Variants in TAFA1 observed in about 807,000 individuals in gnomAD.
TAFA1 encodes TAFA chemokine like family member 1.
A neutral mutation model predicts 18.5 loss-of-function variants in TAFA1; 4 were observed. The ratio of observed to expected loss-of-function variants is 0.22; its 90% CI spans 0.11 to 0.49. TAFA1 has a LOEUF of 0.49. TAFA1 is among the 20% of genes least tolerant of loss of function. The pLI, the probability that TAFA1 is intolerant of heterozygous loss-of-function variation, is 0.98. For missense variants in TAFA1, 147 were observed against 169.0 expected (o/e 0.87, Z 0.72); for synonymous variants, 56 against 55.2 (o/e 1.01, Z -0.06).
intron 2 of TAFA1, among the ~76,000 whole-genome samples, chr3:68,026,351 C>T (rs757886097): frequency 2.6e-5 from 4 of 151,844 alleles, no homozygotes; most frequent in South Asian, 4.2e-4. Context: ...CCATCCCCAC[C>T]GAGAGGGTCC....
intron 2 of TAFA1, among the ~76,000 whole-genome samples, chr3:68,045,979 T>C (rs1553706662): frequency 6.6e-6 from 1 of 152,188 alleles, no homozygotes; most frequent in Non-Finnish European, 1.5e-5. Context: ...GGGAATTAGC[T>C]TAGTGACATG....
At position 68,208,859 on chromosome 3, in the gene TAFA1, G is replaced by A. The variant is rs577624080; in HGVS notation, c.118+202115G>A. Among the ~76,000 whole-genome samples the A allele has an allele frequency of 1.6e-4, 24 of 152,044 alleles. 1 individual carries two copies. The highest frequency in any genetic ancestry group is 4.1e-4 in the African/African-American group (17 of 41,514). The stretch of plus-strand genomic sequence containing the variant: ...ACTACTTAGTGTGCTCTGAATAAGC[G>A]CCTCCTCTTGAGTGTGTGCAGGCCT... On this transcript the variant is annotated intron_variant, in intron 2 of 4. Transcript: ENST00000478136.
At chr3:68,137,133 C>T (rs911305915) in intron 2 of TAFA1, among the ~76,000 whole-genome samples, 4 of 152,108 alleles carry the variant, frequency 2.6e-5, no homozygotes, top group African/African-American at 9.7e-5. Flanking sequence ...AAAAATCTCT[C>T]TCCTGTTGTC....
intron 2 of TAFA1, among the ~76,000 whole-genome samples, chr3:68,105,288 T>C (rs943278419): frequency 1.6e-4 from 25 of 152,122 alleles, no homozygotes; most frequent in African/African-American, 5.8e-4. Flanking sequence ...AAAACAAAAA[T>C]ATTGGTTGGC....
intron 3 of TAFA1, among the ~76,000 whole-genome samples, chr3:68,429,860 T>C (rs1169515599): frequency 6.6e-6 from 1 of 151,940 alleles, no homozygotes; most frequent in African/African-American, 2.4e-5. Flanking sequence ...CTGTGAGTCC[T>C]TGGAACAGCC....
intron 2 of TAFA1, among the ~76,000 whole-genome samples, chr3:68,118,882 A>T (rs577268564): frequency 8.6e-6 from 1 of 115,784 alleles, no homozygotes; most frequent in Non-Finnish European, 1.9e-5. Context: ...TCTTTTTGGT[A>T]TATACACAGA....
At chr3:68,154,218 A>G (rs1465447046) in intron 2 of TAFA1, among the ~76,000 whole-genome samples, 1 of 152,184 alleles carries the variant, frequency 6.6e-6, no homozygotes, top group Non-Finnish European at 1.5e-5. Flanking sequence ...CCAGTCAGCT[A>G]ATAAGCAAAA....
At chr3:68,437,761 A>C (rs2071289390) in intron 3 of TAFA1, among the ~76,000 whole-genome samples, 1 of 152,116 alleles carries the variant, frequency 6.6e-6, no homozygotes, top group Admixed American at 6.6e-5. Flanking sequence ...TTTTAACATA[A>C]GTTTTGGAGG....
intron 2 of TAFA1, among the ~76,000 whole-genome samples, chr3:68,042,385 C>T (rs1295068612): frequency 1.3e-5 from 2 of 152,200 alleles, no homozygotes; most frequent in East Asian, 3.9e-4. Flanking sequence ...CACAGTGGCT[C>T]ATGCCTGTAA....
At chr3:68,235,341 T>C (rs181998878) in intron 2 of TAFA1, among the ~76,000 whole-genome samples, 55 of 152,296 alleles carry the variant, frequency 3.6e-4, no homozygotes, top group African/African-American at 1.3e-3. Flanking sequence ...GGAGGAATAA[T>C]TTGTCTCTAT....
At chr3:68,341,728 G>T (rs1191941479) in intron 2 of TAFA1, among the ~76,000 whole-genome samples, 1 of 152,188 alleles carries the variant, frequency 6.6e-6, no homozygotes, top group Non-Finnish European at 1.5e-5. Context: ...AATGGAGTTT[G>T]TTAGGTCTGA....
the TAFA1 span, among the ~76,000 whole-genome samples, chr3:67,995,421 C>T: frequency 4.6e-5 from 7 of 152,242 alleles, no homozygotes; most frequent in Non-Finnish European, 8.8e-5. Flanking sequence ...ATTATTGTAA[C>T]TTACTGCCAA....
intron 2 of TAFA1, among the ~76,000 whole-genome samples, chr3:68,251,576 G>A (rs72924545): frequency 0.031 from 4,737 of 152,268 alleles, 261 homozygotes; most frequent in African/African-American, 0.11. Flanking sequence ...AAAGAAGAGG[G>A]GAAGGAGGAG....
chr3:68,037,868 G>T (rs758421071), intron 2 of TAFA1, among the ~76,000 whole-genome samples: 1 of 152,144 alleles, frequency 6.6e-6, no homozygotes. Context: ...TATTTTCACG[G>T]CATGCCATTT....
chr3:68,046,714 G>C (rs1183471820), intron 2 of TAFA1, among the ~76,000 whole-genome samples: 2 of 152,116 alleles, frequency 1.3e-5, no homozygotes, highest in Non-Finnish European at 2.9e-5. Context: ...CTTATAAGTA[G>C]ATAGAGATTT....
intron 2 of TAFA1, among the ~76,000 whole-genome samples, chr3:68,020,167 A>T (rs1407910075): frequency 6.6e-6 from 1 of 152,048 alleles, no homozygotes; most frequent in Non-Finnish European, 1.5e-5. Flanking sequence ...TTGTCCCATC[A>T]AAATGGGCCA....
intron 3 of TAFA1, among the ~76,000 whole-genome samples, chr3:68,473,829 T>C (rs1036479340): frequency 2.6e-5 from 4 of 152,194 alleles, no homozygotes; most frequent in Admixed American, 2.0e-4. Context: ...AGTTATTCCA[T>C]TAACTAGCTT....
At chr3:68,370,314 A>AT (rs2069659185) in intron 2 of TAFA1, among the ~76,000 whole-genome samples, 1 of 49,190 alleles carries the variant, frequency 2.0e-5, no homozygotes, top group African/African-American at 8.2e-5. Context: ...AAAAAAAAAA[A>AT]AAAAAAAATA....
intron 2 of TAFA1, among the ~76,000 whole-genome samples, chr3:68,046,974 G>T (rs969392846): frequency 6.6e-6 from 1 of 152,174 alleles, no homozygotes; most frequent in Non-Finnish European, 1.5e-5. Context: ...GAAGTTGTTA[G>T]AAATATGCAA....
Sources: gnomAD v4.1 joint callset for allele counts (sites outside exome capture counted in the v4.1 genomes callset) on GRCh38, gnomAD v4.1.1 for gene constraint, MANE v1.5 for transcripts, NCBI Gene and HGNC (gene_info 2026-07-23, HGNC 2026-07-21) for gene names.